Variants in CCDC13 observed in about 807,000 individuals in gnomAD.
CCDC13 encodes the protein coiled-coil domain containing 13.
CCDC13 carries 70 observed loss-of-function variants against 87.3 expected under a neutral mutation model. That is an observed-to-expected ratio of 0.80 (90% CI 0.66 to 0.98). CCDC13 has a LOEUF of 0.98. Ranked by LOEUF, CCDC13 falls within the 50% of genes least tolerant of loss-of-function variation. The pLI is 0.00. For missense variants in CCDC13, 842 were observed against 892.0 expected (o/e 0.94, Z 0.71); for synonymous variants, 317 against 360.3 (o/e 0.88, Z 1.36).
At chr3:42,718,973 T>C (rs1219651653) in intron 13 of CCDC13, 1 of 151,900 alleles carries the variant, frequency 6.6e-6, no homozygotes, top group Non-Finnish European at 1.5e-5. Flanking sequence ...AAAACAAAGA[T>C]GCTTGACTGA....
chr3:42,716,347 T>C (rs775190233), intron 13 of CCDC13, among the ~76,000 whole-genome samples: 1 of 151,656 alleles, frequency 6.6e-6, no homozygotes, highest in Non-Finnish European at 1.5e-5. Flanking sequence ...ATAGAAGAAA[T>C]AGATGGCTTC....
intron 3 of CCDC13, among the ~76,000 whole-genome samples, chr3:42,756,594 T>A (rs1326605036): frequency 1.3e-5 from 2 of 151,900 alleles, no homozygotes; most frequent in Admixed American, 6.6e-5. Flanking sequence ...TGGGGCTTTT[T>A]TTTTTTTCAA....
At chr3:42,728,932 C>A (rs972617041) in intron 13 of CCDC13, among the ~76,000 whole-genome samples, 11 of 152,262 alleles carry the variant, frequency 7.2e-5, no homozygotes, top group African/African-American at 1.4e-4. Context: ...TTGCCTCACC[C>A]AATCCTAGCC....
intron 4 of CCDC13, 81 bp from the exon 5 acceptor site, chr3:42,752,106 GTGGTTACCTATCTT>G: frequency 8.1e-7 from 1 of 1,228,192 alleles, no homozygotes; most frequent in South Asian, 1.2e-5. Flanking sequence ...CATTGTGTGT[GTGGTTACCTATCTT>G]GGTGGTGTGT....
At chr3:42,728,966 G>A (rs1196918237) in intron 13 of CCDC13, among the ~76,000 whole-genome samples, 1 of 152,154 alleles carries the variant, frequency 6.6e-6, no homozygotes, top group Non-Finnish European at 1.5e-5. Context: ...CCCTGAAAAT[G>A]AGATCTCACA....
intron 3 of CCDC13, 104 bp downstream of exon 3, chr3:42,756,962 C>A: frequency 4.3e-6 from 5 of 1,166,320 alleles, no homozygotes; most frequent in Non-Finnish European, 6.2e-6. Context: ...TCACAACTGA[C>A]CCTTGGCACT....
chr3:42,709,387 C>G (rs925857776), intron 15 of CCDC13, among the ~76,000 whole-genome samples: 2 of 152,256 alleles, frequency 1.3e-5, no homozygotes, highest in Non-Finnish European at 2.9e-5. Flanking sequence ...AGGTTCCCGT[C>G]TTTCCCTTCC....
intron 14 of CCDC13, 53 bp downstream of exon 14, chr3:42,713,109 A>G (rs967216483): frequency 1.9e-6 from 3 of 1,583,608 alleles, no homozygotes; most frequent in Non-Finnish European, 1.7e-6. Context: ...CTCCTCTGTT[A>G]GCAGCAACAC....
chr3:42,752,094 G>A (rs1699599045), intron 4 of CCDC13, 69 bp from the exon 5 acceptor site: 1 of 1,347,624 alleles, frequency 7.4e-7, no homozygotes, highest in Admixed American at 1.7e-5. Flanking sequence ...GCACTCTGGT[G>A]CCATTGTGTG....
chr3:42,750,513 G>A (rs1425673558), intron 5 of CCDC13, among the ~76,000 whole-genome samples: 1 of 152,224 alleles, frequency 6.6e-6, no homozygotes, highest in Non-Finnish European at 1.5e-5. Flanking sequence ...TGTCACCCAG[G>A]CTGGAGTGCA....
rs1369551655 is a variant in CCDC13 at position 42,708,101 on chromosome 3, A to G, written c.*879T>C. Among the ~76,000 whole-genome samples, 1 of 152,108 alleles carries G rather than the reference A, an allele frequency of 6.6e-6. No homozygotes were observed. The highest frequency in any genetic ancestry group is 1.5e-5 in the Non-Finnish European group (1 of 68,026). On this transcript the variant is annotated 3_prime_UTR_variant, in exon 16 of 16. Transcript: ENST00000310232. ...CTGAGCCCCACCTCGGCCCTCTGCCACCAGCATCCATCAGCAGTCTTGGTG... is the reference window on the plus strand; with the variant it reads ...CTGAGCCCCACCTCGGCCCTCTGCCGCCAGCATCCATCAGCAGTCTTGGTG...
At chr3:42,712,083 G>A (rs1413398340) in intron 14 of CCDC13, among the ~76,000 whole-genome samples, 1 of 152,176 alleles carries the variant, frequency 6.6e-6, no homozygotes, top group East Asian at 1.9e-4. Context: ...AGAAGAGAAA[G>A]CAAGTGGCCC....
At chr3:42,767,880 A>C (rs1699964064) in intron 1 of CCDC13, among the ~76,000 whole-genome samples, 1 of 152,062 alleles carries the variant, frequency 6.6e-6, no homozygotes, top group Admixed American at 6.6e-5. Flanking sequence ...AGGCTGAGGC[A>C]GGAGAATCGC....
intron 1 of CCDC13, among the ~76,000 whole-genome samples, chr3:42,763,816 T>A (rs1318361106): frequency 6.6e-6 from 1 of 152,220 alleles, no homozygotes; most frequent in Non-Finnish European, 1.5e-5. Context: ...TGAAGAGATT[T>A]ATTCTGAGCC....
chr3:42,709,099 C>T lies in CCDC13; in HGVS notation c.2029G>A (p.Ala677Thr). ...TTTCCCCGCAGGGCACTGCCCAGGGCAGCCTTTAGCATTTCATTCTCCTCC... is the reference window on the plus strand; with the variant it reads ...TTTCCCCGCAGGGCACTGCCCAGGGTAGCCTTTAGCATTTCATTCTCCTCC... The part of the protein sequence containing the change: ...QVEENEMLKA[A>T]LGSALRGKEE... The change falls in exon 16 of 16, where the codon GCC becomes ACC. Residue 677 changes from alanine to threonine, a missense_variant. By Grantham distance (58) the Ala-to-Thr change is moderately conservative (BLOSUM62 0). Coordinates refer to ENST00000310232, the MANE Select transcript of CCDC13 (RefSeq NM_144719.4). 6.2e-7 allele frequency: 1 copy of T among 1,613,414 alleles called. No individual in the cohort carries two copies. Among genetic ancestry groups the T allele is most frequent in the Non-Finnish European group, 8.5e-7 (1 of 1,179,584 alleles).
intron 1 of CCDC13, among the ~76,000 whole-genome samples, chr3:42,767,966 C>A (rs1699966971): frequency 6.7e-6 from 1 of 149,594 alleles, no homozygotes; most frequent in Admixed American, 6.6e-5. Flanking sequence ...AGGAGCAAAA[C>A]TCCATCTCAA....
At chr3:42,710,029 G>A (rs997398605) in intron 14 of CCDC13, among the ~76,000 whole-genome samples, 3 of 151,878 alleles carry the variant, frequency 2.0e-5, no homozygotes, top group African/African-American at 4.8e-5. Context: ...GACTCTGCTC[G>A]CTTTGTACCA....
chr3:42,718,031 C>G (rs1410481101), intron 13 of CCDC13: 2 of 152,166 alleles, frequency 1.3e-5, no homozygotes, highest in South Asian at 4.1e-4. Context: ...CTCCAAAGCA[C>G]AGTGGTTTTG....
At chr3:42,715,297 G>A (rs1350211195) in intron 13 of CCDC13, among the ~76,000 whole-genome samples, 1 of 134,858 alleles carries the variant, frequency 7.4e-6, no homozygotes, top group Non-Finnish European at 1.6e-5. Flanking sequence ...CAACAGGAGC[G>A]AAACTCTGTC....
Sources: allele counts gnomAD v4.1 joint callset (sites outside exome capture counted in the v4.1 genomes callset), GRCh38; gene constraint gnomAD v4.1.1; transcripts MANE v1.5; gene names NCBI Gene and HGNC (gene_info 2026-07-23, HGNC 2026-07-21).